Variants in CLPX observed in about 807,000 individuals in gnomAD.
The protein encoded by CLPX is ATP-dependent clpX-like chaperone, mitochondrial.
In CLPX, 34 loss-of-function variants were observed where a neutral mutation model predicts 76.4. That is an observed-to-expected ratio of 0.45 (90% CI 0.34 to 0.59). CLPX has a LOEUF of 0.59. CLPX is among the 20% of genes least tolerant of loss of function. The pLI is 0.01. For synonymous variants in CLPX, 248 were observed against 270.9 expected, an observed-to-expected ratio of 0.92 and a Z score of 0.83; for missense variants, 613 against 757.0, an observed-to-expected ratio of 0.81 and a Z score of 2.23.
At chr15:65,153,723 T>A in intron 11 of CLPX, 84 bp from the exon 12 acceptor site, 4 of 736,708 alleles carry the variant, frequency 5.4e-6, no homozygotes, top group Non-Finnish European at 8.6e-6. Context: ...GGGCACAATT[T>A]CTCATGGTGT....
chr15:65,164,315 A>G, intron 4 of CLPX, 127 bp from the exon 5 acceptor site: 1 of 664,834 alleles, frequency 1.5e-6, no homozygotes, highest in Non-Finnish European at 2.5e-6. Flanking sequence ...TTAAAAACAA[A>G]ATGACAATAC....
chr15:65,162,700 T>G, intron 5 of CLPX, 55 bp from the exon 6 acceptor site: 1 of 972,598 alleles, frequency 1.0e-6, no homozygotes, highest in Non-Finnish European at 1.6e-6. Context: ...GAACAAACAA[T>G]GAGTATCCCA....
At chr15:65,160,623 TCACACACACACACA>T (rs375655324) in intron 6 of CLPX, among the ~76,000 whole-genome samples, 3 of 101,028 alleles carry the variant, frequency 3.0e-5, no homozygotes, top group Non-Finnish European at 4.2e-5. Context: ...TCTCTCTCTC[TCACACACACACACA>T]CACACACACA....
intron 8 of CLPX, among the ~76,000 whole-genome samples, chr15:65,157,375 C>G (rs2087803273): frequency 6.6e-6 from 1 of 152,172 alleles, no homozygotes; most frequent in Admixed American, 6.6e-5. Flanking sequence ...CCATGACATC[C>G]TGTAGGTCAA....
chr15:65,163,962 G>A, intron 5 of CLPX, 67 bp downstream of exon 5: 7 of 1,361,680 alleles, frequency 5.1e-6, no homozygotes, highest in Non-Finnish European at 6.2e-6. Context: ...AGAAAGTGAG[G>A]AGTTACAAAT....
intron 3 of CLPX, among the ~76,000 whole-genome samples, chr15:65,172,059 G>A (rs1354955623): frequency 1.3e-5 from 2 of 152,120 alleles, no homozygotes; most frequent in African/African-American, 2.4e-5. Context: ...GCAATGGCGC[G>A]ATCTCAGCTC....
intron 6 of CLPX, among the ~76,000 whole-genome samples, chr15:65,161,197 A>G (rs773679925): frequency 7.9e-5 from 12 of 152,218 alleles, no homozygotes; most frequent in African/African-American, 2.9e-4. Context: ...AAACGCAAAC[A>G]AAGTATTTCA....
intron 1 of CLPX, among the ~76,000 whole-genome samples, chr15:65,183,460 C>CAAAAACA (rs2088206666): frequency 1.5e-5 from 1 of 66,268 alleles, no homozygotes; most frequent in Non-Finnish European, 2.7e-5. Context: ...GACTCTGTCT[C>CAAAAACA]AAAAAAAAAA....
intron 1 of CLPX, among the ~76,000 whole-genome samples, chr15:65,183,460 C>CAAAAAAAAA (rs61002905): frequency 6.0e-5 from 4 of 66,260 alleles, no homozygotes; most frequent in Admixed American, 2.2e-4. Flanking sequence ...GACTCTGTCT[C>CAAAAAAAAA]AAAAAAAAAA....
intron 10 of CLPX, among the ~76,000 whole-genome samples, chr15:65,155,306 C>T (rs554986520): frequency 6.6e-6 from 1 of 152,224 alleles, no homozygotes. Context: ...GGTCTGTCTG[C>T]CTTAGAGTTC....
At chr15:65,159,448 T>C (rs563171682) in intron 6 of CLPX, among the ~76,000 whole-genome samples, 1 of 152,146 alleles carries the variant, frequency 6.6e-6, no homozygotes, top group African/African-American at 2.4e-5. Flanking sequence ...CCATCTCTAC[T>C]AAAAATAAAA....
intron 9 of CLPX, among the ~76,000 whole-genome samples, chr15:65,156,060 A>G (rs773124626): frequency 9.9e-5 from 15 of 152,244 alleles, no homozygotes; most frequent in Non-Finnish European, 1.6e-4. Context: ...AAATGGTTAC[A>G]GAACTTGATG....
At chr15:65,184,644 C>G (rs992489051) in intron 1 of CLPX, among the ~76,000 whole-genome samples, 1 of 152,260 alleles carries the variant, frequency 6.6e-6, no homozygotes, top group Non-Finnish European at 1.5e-5. Context: ...TCAGCCGAGC[C>G]CCTCCTGGAG....
Position 65,156,932 on chromosome 15 carries a change from C to A in CLPX, c.1058G>T (p.Gly353Val). The change falls in exon 9 of 14, where the codon GGA becomes GTA. Residue 353 changes from glycine (G) to valine (V), a missense_variant and splice_region_variant. This residue lies in a region of CLPX where 450 missense variants were observed against 638.6 expected (regional missense o/e 0.70). Transcript: ENST00000300107. ...ANYNVEKAQQGIVFLDEVDKI... is the reference protein window; with the variant it reads ...ANYNVEKAQQVIVFLDEVDKI... ...ATCTACTTCATCCAGAAAGACAATTCCTATAATTTAAGGAGGATTCTATTT... is the reference window on the plus strand; with the variant it reads ...ATCTACTTCATCCAGAAAGACAATTACTATAATTTAAGGAGGATTCTATTT... 1 of 1,600,704 alleles carries A rather than the reference C, an allele frequency of 6.2e-7. No individual in the cohort carries two copies. Among genetic ancestry groups the A allele is most frequent in the African/African-American group, 1.3e-5 (1 of 74,772 alleles).
rs1401718257 is a variant in CLPX, at chr15:65,166,733, T to A, written c.411A>T (p.Leu137=). The A allele has an allele frequency of 8.1e-6, 13 of 1,613,962 alleles. No homozygotes were observed. The highest frequency in any genetic ancestry group is 1.1e-5 in the South Asian group (1 of 91,072). ...CEKCHHFFVV[L]SEADSKKSII... is the part of the protein sequence containing the mutation. ...TGCTTTTCTTTGAGTCTGCTTCAGATAGCACAACAAAAAAATGATGACACT... is the reference window on the plus strand; with the variant it reads ...TGCTTTTCTTTGAGTCTGCTTCAGAAAGCACAACAAAAAAATGATGACACT... The change falls in exon 4 of 14, where the codon CTA becomes CTT. Residue 137 remains leucine, a synonymous_variant. Transcript: ENST00000300107.
intron 8 of CLPX, among the ~76,000 whole-genome samples, chr15:65,157,380 G>T (rs1328404391): frequency 6.6e-6 from 1 of 152,176 alleles, no homozygotes; most frequent in Non-Finnish European, 1.5e-5. Context: ...ACATCCTGTA[G>T]GTCAACAGGC....
At chr15:65,161,278 C>T (rs1284169919) in intron 6 of CLPX, among the ~76,000 whole-genome samples, 2 of 152,098 alleles carry the variant, frequency 1.3e-5, no homozygotes, top group African/African-American at 2.4e-5. Context: ...TGTCAGTCCT[C>T]CTAAAAGCTG....
At chr15:65,177,234 A>G (rs1252294007) in intron 3 of CLPX, among the ~76,000 whole-genome samples, 1 of 151,898 alleles carries the variant, frequency 6.6e-6, no homozygotes, top group African/African-American at 2.4e-5. Flanking sequence ...ACGCCCGGCT[A>G]ATTTTTGTAT....
At chr15:65,175,473 G>C (rs2088077786) in intron 3 of CLPX, among the ~76,000 whole-genome samples, 1 of 152,150 alleles carries the variant, frequency 6.6e-6, no homozygotes, top group Non-Finnish European at 1.5e-5. Context: ...TCCAGCCTGG[G>C]TGAGAACAGT....
Sources: allele counts gnomAD v4.1 joint callset (sites outside exome capture counted in the v4.1 genomes callset), GRCh38; gene constraint gnomAD v4.1.1; regional missense constraint gnomAD v4.1.1; transcripts MANE v1.5; gene names NCBI Gene and HGNC (gene_info 2026-07-23, HGNC 2026-07-21).